The following PPP1R2 variants were observed in gnomAD, a reference collection of about 807,000 sequenced individuals.
PPP1R2 encodes the protein protein phosphatase 1 regulatory inhibitor subunit 2.
Under a neutral mutation model 29.9 loss-of-function variants are expected in PPP1R2, and 16 were observed. That is an observed-to-expected ratio of 0.53 (90% CI 0.36 to 0.81). PPP1R2 has a LOEUF of 0.81. PPP1R2 is among the 30% of genes least tolerant of loss of function. The pLI is 0.00. For missense variants in PPP1R2, 197 were observed against 252.7 expected, an observed-to-expected ratio of 0.78 and a Z score of 1.49; for synonymous variants, 76 against 91.5, an observed-to-expected ratio of 0.83 and a Z score of 0.96.
intron 1 of PPP1R2, among the ~76,000 whole-genome samples, chr3:195,532,481 C>T (rs1415800069): frequency 6.6e-6 from 1 of 152,096 alleles, no homozygotes; most frequent in African/African-American, 2.4e-5. Flanking sequence ...CTTGCTTTAA[C>T]AATACCGATG....
At chr3:195,526,650 TG>T (rs1280787518) in intron 2 of PPP1R2, among the ~76,000 whole-genome samples, 1 of 152,176 alleles carries the variant, frequency 6.6e-6, no homozygotes, top group Non-Finnish European at 1.5e-5. Context: ...GGTCTCCCTC[TG>T]TCATCCAGGC....
intron 2 of PPP1R2, 65 bp from the exon 3 acceptor site, chr3:195,524,961 A>G: frequency 1.4e-6 from 2 of 1,379,974 alleles, no homozygotes; most frequent in Non-Finnish European, 2.1e-6. Flanking sequence ...AAAACAAGGG[A>G]GAAAAACAAT....
At chr3:195,532,552 C>T (rs1719225245) in intron 1 of PPP1R2, among the ~76,000 whole-genome samples, 1 of 152,064 alleles carries the variant, frequency 6.6e-6, no homozygotes, top group South Asian at 2.1e-4. Flanking sequence ...AAACAAAAAA[C>T]AAATTTAACC....
intron 4 of PPP1R2, chr3:195,523,018 T>G (rs952400644): frequency 2.6e-5 from 4 of 152,240 alleles, no homozygotes; most frequent in Non-Finnish European, 5.9e-5. Flanking sequence ...GATTATATAT[T>G]CACATGAATC....
chr3:195,530,550 G>A (rs1719138665), intron 1 of PPP1R2, among the ~76,000 whole-genome samples: 1 of 152,202 alleles, frequency 6.6e-6, no homozygotes, highest in African/African-American at 2.4e-5. Flanking sequence ...TTTTGAGACG[G>A]AGTCTCACTC....
chr3:195,528,390 G>A lies in PPP1R2; in HGVS notation c.230+1404C>T, dbSNP rs142433302. Among the ~76,000 whole-genome samples the A allele has an allele frequency of 7.1e-3, 1,077 of 152,126 alleles. 5 individuals carry two copies. The highest frequency in any genetic ancestry group is 0.016 in the South Asian group (75 of 4,818). ...GTATTTCTTCACTCAAATTTCATCA[G>A]TATTGAGTTTCAGCATCTGTACCTA... On this transcript the variant is annotated intron_variant, in intron 2 of 5. Coordinates refer to ENST00000618156, the MANE Select transcript of PPP1R2 (RefSeq NM_006241.8).
At chr3:195,542,862 G>A (rs752211857) in intron 1 of PPP1R2, 42 bp downstream of exon 1, 3 of 1,572,904 alleles carry the variant, frequency 1.9e-6, no homozygotes, top group Non-Finnish European at 2.6e-6. Context: ...AACGGGCCCG[G>A]CGGGAAGGAG....
intron 4 of PPP1R2, among the ~76,000 whole-genome samples, chr3:195,522,366 A>G (rs1191454086): frequency 6.6e-6 from 1 of 152,244 alleles, no homozygotes; most frequent in African/African-American, 2.4e-5. Flanking sequence ...CAGCCACGTA[A>G]CATCTATATA....
chr3:195,522,808 T>C (rs183140951), intron 4 of PPP1R2, among the ~76,000 whole-genome samples: 28 of 152,344 alleles, frequency 1.8e-4, no homozygotes, highest in Admixed American at 1.4e-3. Flanking sequence ...TCCTTCGTTC[T>C]AAAGTTTCTC....
intron 4 of PPP1R2, among the ~76,000 whole-genome samples, chr3:195,520,478 A>G (rs1286748125): frequency 6.6e-6 from 1 of 152,114 alleles, no homozygotes; most frequent in Non-Finnish European, 1.5e-5. Flanking sequence ...TGGGTGTGGT[A>G]GTACACGACT....
intron 2 of PPP1R2, 30 bp from the exon 3 acceptor site, chr3:195,524,926 C>A (rs781155329): frequency 2.5e-6 from 4 of 1,581,772 alleles, no homozygotes; most frequent in Non-Finnish European, 3.5e-6. Context: ...GTAATTAATA[C>A]CTGAAACATA....
chr3:195,531,578 A>G (rs1719180045), intron 1 of PPP1R2, among the ~76,000 whole-genome samples: 1 of 152,198 alleles, frequency 6.6e-6, no homozygotes, highest in African/African-American at 2.4e-5. Context: ...ATATACCCAC[A>G]GTGTCCCCAT....
At chr3:195,528,051 G>A in intron 2 of PPP1R2, 1 of 307,756 alleles carries the variant, frequency 3.2e-6, no homozygotes, top group Non-Finnish European at 6.3e-6. Flanking sequence ...GGTTACACAG[G>A]TAAGTTCTTC....
intron 4 of PPP1R2, among the ~76,000 whole-genome samples, chr3:195,521,406 G>A (rs756848965): frequency 6.7e-6 from 1 of 148,734 alleles, no homozygotes; most frequent in Non-Finnish European, 1.5e-5. Context: ...CTGCCATAAT[G>A]ATTTATGTAA....
intron 1 of PPP1R2, among the ~76,000 whole-genome samples, chr3:195,531,864 C>A (rs1435833088): frequency 6.6e-6 from 1 of 152,224 alleles, no homozygotes; most frequent in African/African-American, 2.4e-5. Context: ...ACTCCCCACT[C>A]TCCCCAGCCC....
At chr3:195,531,059 G>A (rs1022623538) in intron 1 of PPP1R2, among the ~76,000 whole-genome samples, 2 of 152,142 alleles carry the variant, frequency 1.3e-5, no homozygotes, top group East Asian at 3.8e-4. Context: ...CTGACCTTAC[G>A]TGATCTGCCT....
Position 195,516,953 on chromosome 3 carries a change from A to G in PPP1R2, c.572-11T>C, listed in dbSNP as rs1318819946. On this transcript the variant is annotated splice_polypyrimidine_tract_variant and intron_variant, in intron 5 of 5. Coordinates refer to ENST00000618156, the MANE Select transcript of PPP1R2 (RefSeq NM_006241.8). ...CACTTGGAGTAGATCCTGCAAAGAT[A>G]AAAGAAAAAGTCAACATAATTTGTT... The G allele has an allele frequency of 1.2e-6, 2 of 1,609,604 alleles. No individual in the cohort carries two copies. The highest frequency in any genetic ancestry group is 1.7e-5 in the Admixed American group (1 of 59,988).
intron 1 of PPP1R2, 39 bp downstream of exon 1, chr3:195,542,865 G>A (rs764142488): frequency 1.1e-5 from 18 of 1,576,262 alleles, no homozygotes; most frequent in South Asian, 2.3e-5. Flanking sequence ...GGGCCCGGCG[G>A]GAAGGAGGGG....
chr3:195,519,422 C>T (rs1718672348), intron 4 of PPP1R2: 1 of 390,214 alleles, frequency 2.6e-6, no homozygotes, highest in Non-Finnish European at 4.5e-6. Context: ...ATATATCCAG[C>T]CATTAGAAAT....
Sources: allele counts gnomAD v4.1 joint callset (sites outside exome capture counted in the v4.1 genomes callset), GRCh38; gene constraint gnomAD v4.1.1; transcripts MANE v1.5; gene names NCBI Gene and HGNC (gene_info 2026-07-23, HGNC 2026-07-21).